FAIM2: variants seen among roughly 807,000 people sequenced by gnomAD.
FAIM2 encodes protein lifeguard 2.
Under a neutral mutation model 47.4 loss-of-function variants are expected in FAIM2, and 27 were observed. That is an observed-to-expected ratio of 0.57 (90% CI 0.42 to 0.78). The LOEUF is 0.78. FAIM2 is among the 30% of genes least tolerant of loss of function. The pLI, the probability that FAIM2 is intolerant of heterozygous loss-of-function variation, is 0.00. For missense variants in FAIM2, 311 were observed against 389.4 expected (o/e 0.80, Z 1.69); for synonymous variants, 156 against 159.3 (o/e 0.98, Z 0.16).
At chr12:49,873,877 A>G (rs1447878470) in intron 11 of FAIM2, among the ~76,000 whole-genome samples, 1 of 152,130 alleles carries the variant, frequency 6.6e-6, no homozygotes, top group African/African-American at 2.4e-5. Flanking sequence ...ATTCCCAACA[A>G]TATTTGCTGA....
At chr12:49,901,520 G>T (rs552517590) in intron 1 of FAIM2, 195 bp from the exon 2 acceptor site, 69 of 492,696 alleles carry the variant, frequency 1.4e-4, no homozygotes, top group African/African-American at 1.3e-3. Context: ...AGAGCTAGCT[G>T]GGGCACATGG....
chr12:49,870,517 G>A lies in FAIM2; in HGVS notation c.938C>T (p.Thr313Ile), dbSNP rs1040036568. 1 of 1,613,966 alleles carries A rather than the reference G, an allele frequency of 6.2e-7. No homozygotes were observed. The highest frequency in any genetic ancestry group is 8.5e-7 in the Non-Finnish European group (1 of 1,179,904). ...IFTFFLQLFG[T>I]NRE is the part of the protein sequence containing the mutation. ...AGGGAGGGCTCCTCATTCTCGGTTA[G>A]TGCCAAAAAGCTGCAGGAAGAAGGT... The change falls in exon 12 of 12, where the codon ACT becomes ATT. Residue 313 changes from threonine (T) to isoleucine (I), a missense_variant. By Grantham distance (89) the Thr-to-Ile change is moderately conservative (BLOSUM62 -1). Coordinates refer to ENST00000320634, the MANE Select transcript of FAIM2 (RefSeq NM_012306.4).
At chr12:49,894,785 C>A (rs1314175781) in intron 5 of FAIM2, among the ~76,000 whole-genome samples, 1 of 152,222 alleles carries the variant, frequency 6.6e-6, no homozygotes, top group Non-Finnish European at 1.5e-5. Flanking sequence ...CTGAGCCTCA[C>A]TTTCCTCAAC....
intron 2 of FAIM2, 131 bp from the exon 3 acceptor site, chr12:49,898,221 C>T: frequency 2.9e-6 from 2 of 680,708 alleles, no homozygotes; most frequent in East Asian, 5.6e-5. Context: ...TCTCTCCTGC[C>T]CCATTATCAA....
At position 49,879,296 on chromosome 12, in the gene FAIM2, A is replaced by G. The variant is rs1400973354; in HGVS notation, c.801+8090T>C. Among the ~76,000 whole-genome samples, 38 of 112,802 alleles carry G rather than the reference A, an allele frequency of 3.4e-4. 2 individuals carry two copies. The highest frequency in any genetic ancestry group is 1.3e-3 in the African/African-American group (35 of 27,284). 74.0% of individuals were successfully genotyped at this position (112,802 alleles called of 152,430 possible). A position where few individuals can be genotyped will look rare whatever the true frequency, so the allele number is the denominator to read the frequency against. On this transcript the variant is annotated intron_variant, in intron 11 of 11. Transcript: ENST00000320634. ...TGTATATGTGTGTATGTGTGTGGGT[A>G]TGTGTATGCATGTGCATGTGTATAT...
intron 5 of FAIM2, 35 bp from the exon 6 acceptor site, chr12:49,891,149 C>T: frequency 6.2e-7 from 1 of 1,602,130 alleles, no homozygotes; most frequent in Non-Finnish European, 8.6e-7. Context: ...AGTCAGCCAG[C>T]CTCTCCTGGG....
intron 11 of FAIM2, among the ~76,000 whole-genome samples, chr12:49,886,473 T>TTTA (rs923962348): frequency 2.0e-5 from 3 of 152,066 alleles, no homozygotes; most frequent in Admixed American, 2.0e-4. Flanking sequence ...TCTTAATTTA[T>TTTA]TTATTATTAT....
intron 1 of FAIM2, 79 bp from the exon 2 acceptor site, chr12:49,901,404 A>T: frequency 8.7e-7 from 1 of 1,149,494 alleles, no homozygotes; most frequent in East Asian, 2.8e-5. Context: ...CAACTCTTCA[A>T]TTCCTGGAAC....
At chr12:49,903,640 A>T in intron 1 of FAIM2, 138 bp downstream of exon 1, 1 of 1,182,012 alleles carries the variant, frequency 8.5e-7, no homozygotes, top group Non-Finnish European at 1.2e-6. Context: ...CGGTCCTCTG[A>T]CTTCAGCAAG....
chr12:49,896,484 T>C (rs1026024367), intron 5 of FAIM2, among the ~76,000 whole-genome samples: 16 of 152,346 alleles, frequency 1.1e-4, no homozygotes, highest in African/African-American at 3.8e-4. Context: ...GCTGACTAGC[T>C]GTGTGACCTT....
At chr12:49,877,007 C>A (rs1260398571) in intron 11 of FAIM2, among the ~76,000 whole-genome samples, 1 of 152,178 alleles carries the variant, frequency 6.6e-6, no homozygotes, top group Non-Finnish European at 1.5e-5. Flanking sequence ...TGGTGGGGGG[C>A]ACTGGCCAGC....
chr12:49,898,218 T>G (rs1003054178), intron 2 of FAIM2, 128 bp from the exon 3 acceptor site: 2 of 343,590 alleles, frequency 5.8e-6, no homozygotes, highest in African/African-American at 1.2e-4. Flanking sequence ...CTTTCTCTCC[T>G]GCCCCATTAT....
Position 49,878,470 on chromosome 12 carries a change from GTGTGTGCATGTGTGTATATGTA to G in FAIM2, c.802-7839_802-7818del, listed in dbSNP as rs1293221028. Reference sequence around the variant, plus strand: ...TGAGTGAATGTGTATGCATGTATGTGTGTGTGCATGTGTGTATATGTATGTGCATGTGTGTATATGTGTGCAT... The same window carrying G: ...TGAGTGAATGTGTATGCATGTATGTGTGTGCATGTGTGTATATGTGTGCAT... On this transcript the variant is annotated intron_variant, in intron 11 of 11. Transcript: ENST00000320634. 4.9e-4 allele frequency among the ~76,000 whole-genome samples: 49 copies of G among 100,866 alleles called. 3 individuals are homozygous for G. Among genetic ancestry groups the G allele is most frequent in the African/African-American group, 1.6e-3 (49 of 30,884 alleles). 66.2% of individuals were successfully genotyped at this position (100,866 alleles called of 152,430 possible).
intron 4 of FAIM2, 111 bp downstream of exon 4, chr12:49,897,408 C>T (rs1946945436): frequency 4.9e-6 from 5 of 1,027,606 alleles, no homozygotes; most frequent in Admixed American, 1.9e-5. Context: ...CCCACTGCCC[C>T]ACAGGCATCT....
intron 5 of FAIM2, among the ~76,000 whole-genome samples, chr12:49,895,044 G>A (rs1056205596): frequency 5.6e-5 from 8 of 143,140 alleles, no homozygotes; most frequent in African/African-American, 2.0e-4. Context: ...GACGGAGAGA[G>A]CTGAGGGGTG....
intron 11 of FAIM2, among the ~76,000 whole-genome samples, chr12:49,880,743 C>T (rs28729755): frequency 2.2e-5 from 3 of 134,774 alleles, no homozygotes; most frequent in Non-Finnish European, 3.2e-5. Context: ...TGTATGTGTG[C>T]ATGTGTGTGT....
chr12:49,875,207 G>C (rs936897418), intron 11 of FAIM2, among the ~76,000 whole-genome samples: 1 of 152,166 alleles, frequency 6.6e-6, no homozygotes, highest in African/African-American at 2.4e-5. Context: ...AGAAGAGTTC[G>C]TGAACTCTTT....
chr12:49,881,029 T>G (rs562505009), intron 11 of FAIM2, among the ~76,000 whole-genome samples: 1 of 152,238 alleles, frequency 6.6e-6, no homozygotes, highest in South Asian at 2.1e-4. Flanking sequence ...TGAGGACAGA[T>G]AGCTGTATTA....
At chr12:49,876,539 G>A (rs1471326068) in intron 11 of FAIM2, among the ~76,000 whole-genome samples, 9 of 152,146 alleles carry the variant, frequency 5.9e-5, no homozygotes, top group South Asian at 2.1e-4. Context: ...CGAGGCGGGC[G>A]GATCACCATG....
Sources: allele counts gnomAD v4.1 joint callset (sites outside exome capture counted in the v4.1 genomes callset), GRCh38; gene constraint gnomAD v4.1.1; transcripts MANE v1.5; gene names NCBI Gene and HGNC (gene_info 2026-07-23, HGNC 2026-07-21).